The following TYMS variants were observed in gnomAD, a reference collection of about 807,000 sequenced individuals.
The protein encoded by TYMS is thymidylate synthase.
In TYMS, 21 loss-of-function variants were observed where a neutral mutation model predicts 39.3. The observed-to-expected ratio is 0.54, with a 90% CI of 0.38 to 0.77. The LOEUF is 0.77. TYMS is among the 30% of genes least tolerant of loss of function. The pLI is 0.00. For synonymous variants in TYMS, 171 were observed against 162.2 expected (o/e 1.05, Z -0.41); for missense variants, 273 against 406.7 (o/e 0.67, Z 2.83).
At chr18:664,696 A>G (rs1477193741) in intron 3 of TYMS, among the ~76,000 whole-genome samples, 1 of 150,892 alleles carries the variant, frequency 6.6e-6, no homozygotes, top group East Asian at 1.9e-4. Context: ...TGTCCCATCA[A>G]TACCTAATTT....
chr18:660,777 C>T lies in TYMS; in HGVS notation c.279+1063C>T, dbSNP rs973793278. On this transcript the variant is annotated intron_variant, in intron 2 of 6. Coordinates refer to ENST00000323274, the MANE Select transcript of TYMS (RefSeq NM_001071.4). The surrounding 1 kb of genome is among the most constrained non-coding windows in gnomAD (Gnocchi z 4.6). ...CCAGCGATGTTCTTTCTGACCAGTG[C>T]TTTTTGGAAGGTGGCTGAGGTCTGG... is the stretch of plus-strand genomic sequence containing the variant. 1.2e-4 allele frequency among the ~76,000 whole-genome samples: 18 copies of T among 152,164 alleles called. No individual in the cohort carries two copies. The highest frequency in any genetic ancestry group is 2.2e-4 in the Non-Finnish European group (15 of 68,024).
At chr18:663,020 G>A in intron 3 of TYMS, among the ~76,000 whole-genome samples, 1 of 139,912 alleles carries the variant, frequency 7.1e-6, no homozygotes, top group Middle Eastern at 3.5e-3. Flanking sequence ...TAGTCCTTTG[G>A]GTATATACCC....
chr18:671,497 TA>T (rs1171938705), intron 6 of TYMS, 46 bp downstream of exon 6: 7 of 1,247,818 alleles, frequency 5.6e-6, no homozygotes, highest in Admixed American at 1.7e-5. Context: ...CTTCTCTTGA[TA>T]AAAGGTTGAC....
chr18:664,730 G>A (rs1342330212), intron 3 of TYMS, among the ~76,000 whole-genome samples: 1 of 151,180 alleles, frequency 6.6e-6, no homozygotes, highest in Non-Finnish European at 1.5e-5. Context: ...AGCATGATGT[G>A]TTGTTGAATT....
At position 662,265 on chromosome 18, in the gene TYMS, A is replaced by G; in HGVS notation, c.399A>G (p.Pro133=). The change falls in exon 3 of 7, where the codon CCA becomes CCG. Residue 133 remains proline (P), a synonymous_variant. Transcript: ENST00000323274. ...FSTREEGDLG[P]VYGFQWRHFG... ...CCAGAGAAGAAGGGGACTTGGGCCC[A>G]GTTTATGGCTTCCAGTGGAGGCATT... 6.8e-6 allele frequency: 11 copies of G among 1,614,054 alleles called. No homozygotes were observed. The highest frequency in any genetic ancestry group is 9.3e-6 in the Non-Finnish European group (11 of 1,179,986).
In TYMS at chr18:657,786, C is replaced by G. The variant is rs746824953; in HGVS notation, c.44C>G (p.Pro15Arg). Reference sequence around the variant, plus strand: ...GAGCTGCCGCGCCGGCCCTTGCCCCCCGCCGCACAGGAGCGGGACGCCGAG... The same window carrying G: ...GAGCTGCCGCGCCGGCCCTTGCCCCGCGCCGCACAGGAGCGGGACGCCGAG... ...GSELPRRPLP[P>R]AAQERDAEPR... The change falls in exon 1 of 7, where the codon CCC (proline) becomes CGC (arginine). Residue 15 changes from proline (P) to arginine (R), a missense_variant. Pro to Arg is a moderately radical substitution (Grantham distance 103). This residue lies in a region of TYMS where 228 missense variants were observed against 326.1 expected (regional missense o/e 0.70). Coordinates refer to ENST00000323274, the MANE Select transcript of TYMS (RefSeq NM_001071.4). 8.9e-6 allele frequency: 13 copies of G among 1,454,930 alleles called. No individual in the cohort carries two copies. Among genetic ancestry groups the G allele is most frequent in the African/African-American group, 1.5e-5 (1 of 66,884 alleles). The allele number at this position is 1,454,930 out of a possible 1,614,324, so 90.1% of individuals were successfully genotyped here.
In TYMS at chr18:669,023, ATG is replaced by A. The variant is rs1567992114; in HGVS notation, c.455-44_455-43del. On this transcript the variant is annotated intron_variant, in intron 3 of 6. Coordinates refer to ENST00000323274, the MANE Select transcript of TYMS (RefSeq NM_001071.4). ...ATGACCTCTAAGGCCATCTCATGAC[ATG>A]TGTGATTAATGTATGTACCTGTCCT... 5 of 1,492,774 alleles carry A rather than the reference ATG, an allele frequency of 3.3e-6. No individual in the cohort carries two copies. The Admixed American group carries it at 6.7e-5, about 20-fold the overall frequency. The allele number at this position is 1,492,774 out of a possible 1,614,324, so 92.5% of individuals were successfully genotyped here.
Position 657,916 on chromosome 18 carries a change from A to T in TYMS, c.174A>T (p.Val58=). Reference sequence around the variant, plus strand: ...GCACGGGCACCGGCACCCTGTCGGTATTCGGCATGCAGGCGCGCTACAGCC... The same window carrying T: ...GCACGGGCACCGGCACCCTGTCGGTTTTCGGCATGCAGGCGCGCTACAGCC... ...DDRTGTGTLS[V]FGMQARYSLR... The change falls in exon 1 of 7, where the codon GTA becomes GTT. Residue 58 remains valine (V), a synonymous_variant. Coordinates refer to ENST00000323274, the MANE Select transcript of TYMS (RefSeq NM_001071.4). 6.6e-7 allele frequency: 1 copy of T among 1,511,256 alleles called. No homozygotes were observed. The highest frequency in any genetic ancestry group is 8.8e-7 in the Non-Finnish European group (1 of 1,136,276). 93.6% of individuals were successfully genotyped at this position (1,511,256 alleles called of 1,614,324 possible). A position where few individuals can be genotyped will look rare whatever the true frequency, so the allele number is the denominator to read the frequency against.
intron 4 of TYMS, 124 bp from the exon 5 acceptor site, chr18:670,568 A>G (rs2074995657): frequency 3.0e-6 from 3 of 1,008,316 alleles, no homozygotes; most frequent in Admixed American, 2.3e-5. Context: ...ACTGCAGCCC[A>G]GTGGCTCTCT....
At chr18:668,258 C>T (rs15872) in intron 3 of TYMS, among the ~76,000 whole-genome samples, 60,730 of 151,704 alleles carry the variant, frequency 0.4, 13,354 homozygotes, top group East Asian at 0.68. Context: ...TTACCTTTTT[C>T]GGAACAGTGA....
intron 3 of TYMS, among the ~76,000 whole-genome samples, chr18:662,590 T>G (rs1370831337): frequency 6.6e-6 from 1 of 151,182 alleles, no homozygotes; most frequent in East Asian, 2.0e-4. Flanking sequence ...TGTATACATG[T>G]GCCATGCTGG....
At chr18:666,570 A>G (rs1169376131) in intron 3 of TYMS, among the ~76,000 whole-genome samples, 1 of 152,208 alleles carries the variant, frequency 6.6e-6, no homozygotes, top group African/African-American at 2.4e-5. Context: ...CTAGCTGGGC[A>G]GAGACCAGCA....
rs1226911448 is a variant in TYMS, at chr18:664,514, TCTC to T, written c.454+2197_454+2199del. Among the ~76,000 whole-genome samples, 5 of 138,792 alleles carry T rather than the reference TCTC, an allele frequency of 3.6e-5. No individual in the cohort carries two copies. In the East Asian group the frequency reaches 1.1e-3, roughly 29 times the overall value. 91.1% of individuals were successfully genotyped at this position (138,792 alleles called of 152,430 possible). On this transcript the variant is annotated intron_variant, in intron 3 of 6. Transcript: ENST00000323274. ...CCTAATTGAATACCCTTTATTTCCT[TCTC>T]CTGCCTAATTGCCCTGGCCAGAACT...
intron 3 of TYMS, 46 bp downstream of exon 3, chr18:662,366 A>G: frequency 6.5e-7 from 1 of 1,540,250 alleles, no homozygotes; most frequent in Non-Finnish European, 8.8e-7. Flanking sequence ...TGCCCTTCCT[A>G]GCATGTGTTT....
intron 3 of TYMS, among the ~76,000 whole-genome samples, chr18:662,914 T>C (rs1304860884): frequency 1.3e-5 from 2 of 148,242 alleles, no homozygotes; most frequent in Admixed American, 6.7e-5. Context: ...CAGTCTATCA[T>C]TGTTGGACAT....
intron 4 of TYMS, 193 bp downstream of exon 4, chr18:669,366 AT>A (rs68090938): frequency 0.22 from 41,670 of 190,378 alleles, 1,314 homozygotes; most frequent in African/African-American, 0.29. Context: ...GGCCCAGAGG[AT>A]TTTTTTTTTT....
chr18:669,184 C>G lies in TYMS; in HGVS notation c.556+11C>G. 6.2e-7 allele frequency: 1 copy of G among 1,610,980 alleles called. No individual in the cohort carries two copies. The highest frequency in any genetic ancestry group is 8.5e-7 in the Non-Finnish European group (1 of 1,177,260). On this transcript the variant is annotated intron_variant, in intron 4 of 6. Coordinates refer to ENST00000323274, the MANE Select transcript of TYMS (RefSeq NM_001071.4). ...CTTGGAATCCAAGAGGTTGAAAGAACCCCGTCGTCTTCATTTATACTAACC... is the reference window on the plus strand; with the variant it reads ...CTTGGAATCCAAGAGGTTGAAAGAAGCCCGTCGTCTTCATTTATACTAACC...
chr18:666,897 T>TGATGGA lies in TYMS; in HGVS notation c.455-2169_455-2164dup, dbSNP rs1188657352. On this transcript the variant is annotated intron_variant, in intron 3 of 6. Coordinates refer to ENST00000323274, the MANE Select transcript of TYMS (RefSeq NM_001071.4). The stretch of plus-strand genomic sequence containing the variant: ...GATGACGAAAAAGTTCGGGAGATGG[T>TGATGGA]GATGGAGATGGTGATGGTGATGGAG... Among the ~76,000 whole-genome samples, 64 of 48,208 alleles carry TGATGGA rather than the reference T, an allele frequency of 1.3e-3. 15 individuals carry two copies. The highest frequency in any genetic ancestry group is 0.011 in the East Asian group (12 of 1,134). 31.6% of individuals were successfully genotyped at this position (48,208 alleles called of 152,430 possible).
Position 657,663 on chromosome 18 carries a change from C to A in TYMS, c.-80C>A, listed in dbSNP as rs1457331064. The A allele has an allele frequency of 9.0e-6, 3 of 334,794 alleles. No homozygotes were observed. The highest frequency in any genetic ancestry group is 2.4e-4 in the Admixed American group (2 of 8,170). 20.7% of individuals were successfully genotyped at this position (334,794 alleles called of 1,614,324 possible). ...TCCTGCCACCGCGCCACTTGGCCTG[C>A]CTCCGTCCCGCCGCGCCACTTGGCC... On this transcript the variant is annotated 5_prime_UTR_variant, in exon 1 of 7. Transcript: ENST00000323274.
Sources: allele counts gnomAD v4.1 joint callset (sites outside exome capture counted in the v4.1 genomes callset), GRCh38; gene constraint gnomAD v4.1.1; regional missense constraint gnomAD v4.1.1; non-coding constraint Gnocchi (gnomAD v3.1); transcripts MANE v1.5; gene names NCBI Gene and HGNC (gene_info 2026-07-23, HGNC 2026-07-21).